Variants in EFCAB6 observed in about 807,000 individuals in gnomAD.
EFCAB6 encodes the protein EF-hand calcium binding domain 6, also known as EF-hand calcium-binding domain-containing protein 6.
EFCAB6 carries 156 observed loss-of-function variants against 169.8 expected under a neutral mutation model. The observed-to-expected ratio is 0.92, with a 90% CI of 0.81 to 1.05. The LOEUF (loss-of-function observed/expected upper bound fraction) is 1.05. Among genes scored for constraint, EFCAB6 ranks in the 50% least tolerant of loss-of-function variants. The probability of loss-of-function intolerance (pLI) is 0.00; values close to 1 mark genes in which losing one functional copy is unlikely to be tolerated. For missense variants in EFCAB6, 1,800 were observed against 1,829.1 expected, an observed-to-expected ratio of 0.98 and a Z score of 0.29; for synonymous variants, 698 against 676.4, an observed-to-expected ratio of 1.03 and a Z score of -0.50.
chr22:43,708,089 T>TA (rs137824), intron 10 of EFCAB6, among the ~76,000 whole-genome samples: 2,122 of 115,504 alleles, frequency 0.018, 59 homozygotes, highest in African/African-American at 0.06. Context: ...TAAAGAAAAC[T>TA]AAAAAAAAAA....
intron 3 of EFCAB6, among the ~76,000 whole-genome samples, chr22:43,781,468 C>T (rs1399785954): frequency 1.3e-5 from 2 of 152,158 alleles, no homozygotes; most frequent in African/African-American, 4.8e-5. Flanking sequence ...CGACTCTAGG[C>T]ATGTACCACT....
At chr22:43,633,805 C>T (rs552408757) in intron 18 of EFCAB6, among the ~76,000 whole-genome samples, 1 of 152,322 alleles carries the variant, frequency 6.6e-6, no homozygotes, top group Non-Finnish European at 1.5e-5. Flanking sequence ...TTCTGCCTCA[C>T]CTGCCTCACT....
chr22:43,758,950 C>A (rs895186949), intron 5 of EFCAB6, among the ~76,000 whole-genome samples: 2 of 152,234 alleles, frequency 1.3e-5, no homozygotes, highest in Non-Finnish European at 2.9e-5. Flanking sequence ...TGGCTGGGTG[C>A]AGTGGCTCAC....
At position 43,540,523 on chromosome 22, in the gene EFCAB6, G is replaced by A. The variant is rs765580321; in HGVS notation, c.3649-166C>T. 5.9e-6 allele frequency: 9 copies of A among 1,531,140 alleles called. No homozygotes were observed. The East Asian group carries it at 1.2e-4, about 21-fold the overall frequency. The allele number at this position is 1,531,140 out of a possible 1,614,324, so 94.8% of individuals were successfully genotyped here. A position where few individuals can be genotyped will look rare whatever the true frequency, so the allele number is the denominator to read the frequency against. On this transcript the variant is annotated intron_variant, in intron 27 of 31. Transcript: ENST00000262726. ...TAAAACGCCCATTTGGCCTTCGCTC[G>A]GCGGAGGCCTCAGGAAGACTCTGGA...
At chr22:43,741,469 T>C (rs4823137) in intron 6 of EFCAB6, among the ~76,000 whole-genome samples, 116,433 of 152,110 alleles carry the variant, frequency 0.77, 44,716 homozygotes, top group East Asian at 0.86. Context: ...CTCGCTTACT[T>C]GAAAGCGCGC....
At chr22:43,538,391 GTTTTTT>G (rs1196162439) in intron 28 of EFCAB6, among the ~76,000 whole-genome samples, 6 of 151,764 alleles carry the variant, frequency 4.0e-5, no homozygotes, top group African/African-American at 1.5e-4. Flanking sequence ...TTGTTTTTTT[GTTTTTT>G]TTTTTGTTTT....
rs181349298 is a variant in EFCAB6 at position 43,543,862 on chromosome 22, C to T, written c.3649-3505G>A. Among the ~76,000 whole-genome samples the T allele has an allele frequency of 6.9e-4, 105 of 152,266 alleles. 1 individual carries two copies. The East Asian group carries it at 0.019, about 27-fold the overall frequency. ...TGCTGAGAAGACCCTCCGGCAGCCC[C>T]AGTCCCGCACCAAGTCCACAGGCCT... On this transcript the variant is annotated intron_variant, in intron 27 of 31. Transcript: ENST00000262726.
chr22:43,577,621 G>C (rs1028914999), intron 25 of EFCAB6, among the ~76,000 whole-genome samples: 1 of 152,278 alleles, frequency 6.6e-6, no homozygotes, highest in South Asian at 2.1e-4. Context: ...AAGTTTGCTG[G>C]AAAATGCCCC....
At chr22:43,681,626 AAAT>A (rs1344716516) in intron 12 of EFCAB6, among the ~76,000 whole-genome samples, 7 of 152,338 alleles carry the variant, frequency 4.6e-5, no homozygotes, top group South Asian at 4.1e-4. Context: ...ATGTTATTAG[AAAT>A]AATATTTTAA....
At position 43,677,877 on chromosome 22, in the gene EFCAB6, T is replaced by C. The variant is rs1043181707; in HGVS notation, c.1419+119A>G. On this transcript the variant is annotated intron_variant, in intron 13 of 31. Coordinates refer to ENST00000262726, the MANE Select transcript of EFCAB6 (RefSeq NM_022785.4). ...TTGACCCTCACTTAAAATGATTGAG[T>C]TGAAAACTGTAAAGTCGTTAATTTA... 20 of 1,045,224 alleles carry C rather than the reference T, an allele frequency of 1.9e-5. No homozygotes were observed. The African/African-American group carries it at 2.8e-4, about 14-fold the overall frequency. 64.7% of individuals were successfully genotyped at this position (1,045,224 alleles called of 1,614,324 possible).
In EFCAB6 at chr22:43,632,177, G is replaced by C. The variant is rs751262911; in HGVS notation, c.2160C>G (p.Tyr720Ter). Residue 720 changes from tyrosine to a stop codon, truncating the protein, a stop_gained, in exon 19 of 32, where the codon TAC becomes TAG. Coordinates refer to ENST00000262726, the MANE Select transcript of EFCAB6 (RefSeq NM_022785.4). LOFTEE classifies it high-confidence loss of function. The stretch of plus-strand genomic sequence containing the variant: ...CTGCGGTGATAAAGTGGCTGTTCAC[G>C]TAACTTTTTGAAGGAGTTGGAGGCT... The part of the protein sequence containing the change: ...PPQPPTPSKS[Y>*]VNSHFITAEE... 18 of 1,614,012 alleles carry C rather than the reference G, an allele frequency of 1.1e-5. No homozygotes were observed. The highest frequency in any genetic ancestry group is 1.0e-4 in the Admixed American group (6 of 59,992).
chr22:43,577,493 CAGG>C (rs889109947), intron 25 of EFCAB6, among the ~76,000 whole-genome samples: 1 of 152,300 alleles, frequency 6.6e-6, no homozygotes, highest in South Asian at 2.1e-4. Flanking sequence ...ATCCCCTAGC[CAGG>C]AGTTGTTCTG....
intron 31 of EFCAB6, among the ~76,000 whole-genome samples, chr22:43,529,630 C>A (rs1180997915): frequency 6.6e-6 from 1 of 152,196 alleles, no homozygotes; most frequent in East Asian, 1.9e-4. Context: ...GCCCTTTTCT[C>A]TCCTGTTTTT....
chr22:43,555,701 G>A (rs1411598155), intron 26 of EFCAB6, among the ~76,000 whole-genome samples: 2 of 152,230 alleles, frequency 1.3e-5, no homozygotes, highest in African/African-American at 4.8e-5. Flanking sequence ...GTGGGCACGG[G>A]TCCCAGGCCT....
intron 22 of EFCAB6, among the ~76,000 whole-genome samples, chr22:43,602,614 T>A (rs185827152): frequency 6.6e-6 from 1 of 152,186 alleles, no homozygotes; most frequent in African/African-American, 2.4e-5. Flanking sequence ...ATAATGCAAC[T>A]CTGGTCAAGA....
At chr22:43,771,459 T>TA (rs1360677766) in intron 4 of EFCAB6, among the ~76,000 whole-genome samples, 2 of 152,012 alleles carry the variant, frequency 1.3e-5, no homozygotes, top group Non-Finnish European at 2.9e-5. Context: ...TTAATTAATT[T>TA]AAAAAAACTA....
chr22:43,667,736 G>A (rs867285173), intron 16 of EFCAB6, among the ~76,000 whole-genome samples: 4 of 152,132 alleles, frequency 2.6e-5, no homozygotes, highest in Non-Finnish European at 4.4e-5. Context: ...AAACATCCAC[G>A]GAAATGAAGG....
intron 1 of EFCAB6, among the ~76,000 whole-genome samples, chr22:43,809,411 T>C (rs748674210): frequency 1.2e-4 from 18 of 152,198 alleles, no homozygotes; most frequent in Non-Finnish European, 2.6e-4. Context: ...TAGTTATTCT[T>C]ACAAGTCATC....
intron 8 of EFCAB6, among the ~76,000 whole-genome samples, chr22:43,725,955 A>G (rs2059710704): frequency 6.6e-6 from 1 of 152,200 alleles, no homozygotes; most frequent in Admixed American, 6.5e-5. Context: ...TGCAGGATAG[A>G]AGACAGACTG....
Sources: gnomAD v4.1 joint callset for allele counts (sites outside exome capture counted in the v4.1 genomes callset) on GRCh38, gnomAD v4.1.1 for gene constraint, MANE v1.5 for transcripts, NCBI Gene and HGNC (gene_info 2026-07-23, HGNC 2026-07-21) for gene names.